TMCC1: variants seen among roughly 807,000 people sequenced by gnomAD.
TMCC1 encodes transmembrane and coiled-coil domain family 1, also known as transmembrane and coiled-coil domains protein 1.
A neutral mutation model predicts 52.4 loss-of-function variants in TMCC1; 15 were observed. The ratio of observed to expected loss-of-function variants is 0.29; its 90% CI spans 0.19 to 0.44. TMCC1 has a LOEUF of 0.44. TMCC1 is among the 20% of genes least tolerant of loss of function. TMCC1 has a pLI of 1.00. For missense variants in TMCC1, 503 were observed against 806.0 expected, an observed-to-expected ratio of 0.62 and a Z score of 4.55; for synonymous variants, 279 against 301.9, an observed-to-expected ratio of 0.92 and a Z score of 0.79.
chr3:129,836,482 A>C lies in TMCC1; in HGVS notation c.-183-3656T>G, dbSNP rs554143052. ...AAGGCAAGTCTCACAAATTTTAAAA[A>C]AACTGAAATAATACACAGTATATTC... is the stretch of plus-strand genomic sequence containing the variant. On this transcript the variant is annotated intron_variant, in intron 2 of 6. Coordinates refer to ENST00000393238, the MANE Select transcript of TMCC1 (RefSeq NM_001017395.5). Among the ~76,000 whole-genome samples the C allele has an allele frequency of 1.6e-4, 25 of 152,380 alleles. No individual in the cohort carries two copies. The South Asian group carries it at 5.0e-3, about 30-fold the overall frequency.
At chr3:129,757,109 C>T (rs1347405458) in intron 4 of TMCC1, among the ~76,000 whole-genome samples, 1 of 152,162 alleles carries the variant, frequency 6.6e-6, no homozygotes, top group Non-Finnish European at 1.5e-5. Context: ...AACTGCAGAT[C>T]ATAATAAAAC....
chr3:129,823,659 C>A (rs1576991963), intron 4 of TMCC1, among the ~76,000 whole-genome samples: 2 of 152,148 alleles, frequency 1.3e-5, no homozygotes, highest in South Asian at 4.1e-4. Flanking sequence ...AAAAAACAGT[C>A]TGCAATAGTA....
rs543135069 is a variant in TMCC1 at position 129,750,181 on chromosome 3, A to G, written c.576+77622T>C. 2.0e-5 allele frequency among the ~76,000 whole-genome samples: 3 copies of G among 152,102 alleles called. No homozygotes were observed. In the South Asian group the frequency reaches 6.2e-4, roughly 32 times the overall value. ...AATCTTGTCTCAAAATCTTTATTTTATTATTATTTATTTATTTACTTATTT... is the reference window on the plus strand; with the variant it reads ...AATCTTGTCTCAAAATCTTTATTTTGTTATTATTTATTTATTTACTTATTT... On this transcript the variant is annotated intron_variant, in intron 4 of 6. Coordinates refer to ENST00000393238, the MANE Select transcript of TMCC1 (RefSeq NM_001017395.5).
At chr3:129,808,685 T>C (rs1352726291) in intron 4 of TMCC1, among the ~76,000 whole-genome samples, 1 of 151,190 alleles carries the variant, frequency 6.6e-6, no homozygotes, top group Non-Finnish European at 1.5e-5. Flanking sequence ...TATATTTACA[T>C]TGGCATAATG....
intron 2 of TMCC1, among the ~76,000 whole-genome samples, chr3:129,851,479 A>G (rs1048978084): frequency 6.6e-6 from 1 of 152,254 alleles, no homozygotes; most frequent in Non-Finnish European, 1.5e-5. Context: ...AATTCAGTCT[A>G]TTTTAATTTT....
At chr3:129,843,124 A>G (rs962910699) in intron 2 of TMCC1, among the ~76,000 whole-genome samples, 3 of 152,214 alleles carry the variant, frequency 2.0e-5, no homozygotes, top group African/African-American at 7.2e-5. Context: ...AGGTGGGCAG[A>G]TCACGAGGTC....
At chr3:129,881,952 T>C (rs1348461111) in intron 1 of TMCC1, among the ~76,000 whole-genome samples, 1 of 152,184 alleles carries the variant, frequency 6.6e-6, no homozygotes, top group Non-Finnish European at 1.5e-5. Flanking sequence ...TAGCCAAAGA[T>C]GTTCCAAATC....
At chr3:129,669,129 A>G (rs2087706333) in intron 5 of TMCC1, among the ~76,000 whole-genome samples, 1 of 152,226 alleles carries the variant, frequency 6.6e-6, no homozygotes, top group African/African-American at 2.4e-5. Context: ...TTGCTGCTGT[A>G]ACTCTTCTTA....
intron 2 of TMCC1, among the ~76,000 whole-genome samples, chr3:129,861,766 T>G (rs1316757057): frequency 6.6e-6 from 1 of 152,198 alleles, no homozygotes; most frequent in Non-Finnish European, 1.5e-5. Flanking sequence ...CTGGTGGGAA[T>G]GTAAAATGGC....
At chr3:129,703,322 G>T (rs1207033166) in intron 4 of TMCC1, among the ~76,000 whole-genome samples, 1 of 152,210 alleles carries the variant, frequency 6.6e-6, no homozygotes, top group African/African-American at 2.4e-5. Context: ...TTCTTAAAAT[G>T]TGTTAACAAA....
intron 2 of TMCC1, among the ~76,000 whole-genome samples, chr3:129,858,997 G>A (rs2060263377): frequency 6.6e-6 from 1 of 152,130 alleles, no homozygotes; most frequent in Admixed American, 6.5e-5. Flanking sequence ...AACTGTTGAA[G>A]CAATTAATAT....
chr3:129,758,657 G>T (rs1480129923), intron 4 of TMCC1, among the ~76,000 whole-genome samples: 1 of 152,098 alleles, frequency 6.6e-6, no homozygotes, highest in Non-Finnish European at 1.5e-5. Flanking sequence ...GAACAGATTT[G>T]TATGGGTTTT....
chr3:129,734,116 T>G (rs970288013), intron 4 of TMCC1, among the ~76,000 whole-genome samples: 1 of 152,160 alleles, frequency 6.6e-6, no homozygotes, highest in Non-Finnish European at 1.5e-5. Flanking sequence ...GAAGACATGT[T>G]CAAGAGTATT....
intron 4 of TMCC1, among the ~76,000 whole-genome samples, chr3:129,773,047 A>T (rs2107707033): frequency 6.6e-6 from 1 of 152,316 alleles, no homozygotes; most frequent in East Asian, 1.9e-4. Context: ...AGACTATAAA[A>T]ATGTACATAA....
At chr3:129,823,790 A>G (rs2058535743) in intron 4 of TMCC1, among the ~76,000 whole-genome samples, 1 of 152,220 alleles carries the variant, frequency 6.6e-6, no homozygotes, top group African/African-American at 2.4e-5. Flanking sequence ...TTTGGATACT[A>G]AAATTCTCCT....
chr3:129,743,935 T>TAA (rs748095065), intron 4 of TMCC1, among the ~76,000 whole-genome samples: 4 of 141,672 alleles, frequency 2.8e-5, no homozygotes, highest in South Asian at 2.2e-4. Flanking sequence ...TGCACTTGTT[T>TAA]AAAAAAAAAA....
intron 2 of TMCC1, among the ~76,000 whole-genome samples, chr3:129,868,643 T>TG (rs1218580655): frequency 1.3e-5 from 2 of 152,230 alleles, no homozygotes; most frequent in African/African-American, 4.8e-5. Flanking sequence ...TTCACCATGT[T>TG]GGCCAGGCTG....
chr3:129,889,954 A>T (rs1000556193), intron 1 of TMCC1, among the ~76,000 whole-genome samples: 2 of 131,742 alleles, frequency 1.5e-5, no homozygotes, highest in African/African-American at 3.4e-5. Context: ...CTAAGCTCAC[A>T]ACAACCAGAA....
chr3:129,846,558 C>T (rs2059674118), intron 2 of TMCC1, among the ~76,000 whole-genome samples: 1 of 152,090 alleles, frequency 6.6e-6, no homozygotes, highest in Non-Finnish European at 1.5e-5. Context: ...TTCCAACCAC[C>T]TACTAAGGGA....
Sources: gnomAD v4.1 joint callset for allele counts (sites outside exome capture counted in the v4.1 genomes callset) on GRCh38, gnomAD v4.1.1 for gene constraint, MANE v1.5 for transcripts, NCBI Gene and HGNC (gene_info 2026-07-23, HGNC 2026-07-21) for gene names.